DLGAP2: variants seen among roughly 807,000 people sequenced by gnomAD.
DLGAP2 encodes DLG associated protein 2, also known as disks large-associated protein 2.
DLGAP2 carries 26 observed loss-of-function variants against 100.3 expected under a neutral mutation model. That is an observed-to-expected ratio of 0.26 (90% CI 0.19 to 0.36). The LOEUF is 0.36. Among genes scored for constraint, DLGAP2 ranks in the 10% least tolerant of loss-of-function variants. DLGAP2 has a pLI of 1.00. For missense variants in DLGAP2, 1,858 were observed against 1,453.2 expected (o/e 1.28, Z -4.53); for synonymous variants, 886 against 630.1 (o/e 1.41, Z -6.08).
Position 1,507,003 on chromosome 8 carries a change from C to G in DLGAP2, c.172+5572C>G, listed in dbSNP as rs559341269. 7.9e-5 allele frequency among the ~76,000 whole-genome samples: 12 copies of G among 152,350 alleles called. No individual in the cohort carries two copies. The East Asian group carries it at 2.3e-3, about 29-fold the overall frequency. ...GGTGCTGATTGGTGCATCTACAAAC[C>G]TTTTGCTAGACACAGAGTTCTCATT... On this transcript the variant is annotated intron_variant, in intron 4 of 14. Transcript: ENST00000637795.
intron 4 of DLGAP2, among the ~76,000 whole-genome samples, chr8:1,526,371 TG>T (rs1194520350): frequency 6.6e-6 from 1 of 151,794 alleles, no homozygotes; most frequent in Non-Finnish European, 1.5e-5. Context: ...GGGGAGGAAT[TG>T]GGGGCTCAGA....
At chr8:1,102,406 C>G (rs534452305) in intron 2 of DLGAP2, among the ~76,000 whole-genome samples, 2 of 149,918 alleles carry the variant, frequency 1.3e-5, no homozygotes, top group South Asian at 2.1e-4. Flanking sequence ...ATTACAGACA[C>G]AGCTGTCTCG....
chr8:1,631,160 A>T (rs1230166482), intron 7 of DLGAP2, among the ~76,000 whole-genome samples: 1 of 152,018 alleles, frequency 6.6e-6, no homozygotes, highest in East Asian at 1.9e-4. Context: ...AGGAGGAGTC[A>T]CCTTCATGTC....
At chr8:768,171 C>G (rs1788617194) in intron 1 of DLGAP2, among the ~76,000 whole-genome samples, 1 of 152,032 alleles carries the variant, frequency 6.6e-6, no homozygotes, top group Non-Finnish European at 1.5e-5. Flanking sequence ...AAGCTGGAGC[C>G]CGTTCACTGC....
intron 2 of DLGAP2, chr8:1,250,495 T>C (rs1368701195): frequency 6.6e-6 from 1 of 152,146 alleles, no homozygotes; most frequent in Non-Finnish European, 1.5e-5. Context: ...ATGAATGTCT[T>C]CTCTGAGGAT....
chr8:1,437,207 G>C lies in DLGAP2; in HGVS notation c.107-64159G>C, dbSNP rs549880513. ...CCGGGTCTGCGTTCAGCCCAGGCGC[G>C]TAAGGGTGACGCCATCCGGGTCTGC... On this transcript the variant is annotated intron_variant, in intron 3 of 14. Coordinates refer to ENST00000637795, the MANE Select transcript of DLGAP2 (RefSeq NM_001346810.2). Among the ~76,000 whole-genome samples, 110 of 151,082 alleles carry C rather than the reference G, an allele frequency of 7.3e-4. 1 individual carries two copies. The highest frequency in any genetic ancestry group is 2.6e-3 in the African/African-American group (106 of 41,072).
Position 1,097,258 on chromosome 8 carries a change from A to T in DLGAP2, c.74-161593A>T, listed in dbSNP as rs916441109. Among the ~76,000 whole-genome samples the T allele has an allele frequency of 1.6e-5, 2 of 128,004 alleles. 1 individual carries two copies. The highest frequency in any genetic ancestry group is 3.2e-5 in the Non-Finnish European group (2 of 61,822). The allele number at this position is 128,004 out of a possible 152,430, so 84.0% of individuals were successfully genotyped here. A position where few individuals can be genotyped will look rare whatever the true frequency, so the allele number is the denominator to read the frequency against. The stretch of plus-strand genomic sequence containing the variant: ...ATGGAGAGGTCCCCTCCAGCGTGAG[A>T]CCCAGCTCCCTCTGCTCAGGAGAGT... On this transcript the variant is annotated intron_variant, in intron 2 of 14. Transcript: ENST00000637795.
chr8:1,000,218 G>T (rs1054014034), intron 2 of DLGAP2, among the ~76,000 whole-genome samples: 2 of 150,886 alleles, frequency 1.3e-5, no homozygotes, highest in Admixed American at 6.6e-5. Flanking sequence ...TTTCTCTAGA[G>T]CGGACAGATC....
intron 6 of DLGAP2, among the ~76,000 whole-genome samples, chr8:1,611,128 CA>C (rs1295621831): frequency 7.1e-6 from 1 of 141,644 alleles, no homozygotes; most frequent in Non-Finnish European, 1.5e-5. Flanking sequence ...AACATCGATG[CA>C]AAAATCCTCA....
intron 1 of DLGAP2, among the ~76,000 whole-genome samples, chr8:841,747 C>T (rs1439788838): frequency 2.6e-5 from 4 of 152,102 alleles, no homozygotes; most frequent in African/African-American, 4.8e-5. Flanking sequence ...CACCCGGCAG[C>T]AGGTGAGTTT....
At chr8:910,446 G>A (rs1372113437) in intron 2 of DLGAP2, 1 of 152,216 alleles carries the variant, frequency 6.6e-6, no homozygotes, top group Non-Finnish European at 1.5e-5. Flanking sequence ...GTCTTGTTCA[G>A]CTGCTTGTTC....
intron 2 of DLGAP2, among the ~76,000 whole-genome samples, chr8:1,241,142 TCA>T (rs1221804478): frequency 7.6e-5 from 10 of 131,010 alleles, no homozygotes; most frequent in African/African-American, 2.8e-4. Flanking sequence ...TCTAGTTCTC[TCA>T]CGTGGTGCCA....
chr8:1,571,310 C>T (rs1208931310), intron 6 of DLGAP2, among the ~76,000 whole-genome samples: 1 of 94,936 alleles, frequency 1.1e-5, no homozygotes, highest in South Asian at 3.7e-4. Context: ...ACTGTGCGGG[C>T]ATCTGATGAG....
intron 2 of DLGAP2, among the ~76,000 whole-genome samples, chr8:1,210,279 G>A (rs993912003): frequency 9.2e-5 from 14 of 152,188 alleles, no homozygotes; most frequent in African/African-American, 3.4e-4. Flanking sequence ...TGGAAGCATG[G>A]CAGGGATTCA....
intron 6 of DLGAP2, among the ~76,000 whole-genome samples, chr8:1,594,842 C>G (rs1178924417): frequency 6.6e-6 from 1 of 152,166 alleles, no homozygotes; most frequent in Non-Finnish European, 1.5e-5. Flanking sequence ...CCTGATCTTT[C>G]TCTGTGCTCT....
chr8:1,664,569 C>T (rs1385834688), intron 8 of DLGAP2, among the ~76,000 whole-genome samples: 1 of 152,192 alleles, frequency 6.6e-6, no homozygotes, highest in Non-Finnish European at 1.5e-5. Context: ...GCTTGCCAGG[C>T]ACTTTACGTC....
At chr8:984,391 C>A (rs1031460795) in intron 2 of DLGAP2, among the ~76,000 whole-genome samples, 193 of 152,206 alleles carry the variant, frequency 1.3e-3, no homozygotes, top group Non-Finnish European at 6.5e-4. Context: ...TTTAATTGTG[C>A]CCTTACAGGG....
At chr8:822,781 C>T (rs917429252) in intron 1 of DLGAP2, among the ~76,000 whole-genome samples, 29 of 152,232 alleles carry the variant, frequency 1.9e-4, no homozygotes, top group African/African-American at 2.6e-4. Flanking sequence ...ACACAGCCTT[C>T]GGACAACAGC....
chr8:817,254 T>G (rs1451495264), intron 1 of DLGAP2, among the ~76,000 whole-genome samples: 1 of 152,246 alleles, frequency 6.6e-6, no homozygotes, highest in Non-Finnish European at 1.5e-5. Flanking sequence ...TCTATTCTAT[T>G]GCTGAGACTT....
Sources: allele counts gnomAD v4.1 joint callset (sites outside exome capture counted in the v4.1 genomes callset), GRCh38; gene constraint gnomAD v4.1.1; transcripts MANE v1.5; gene names NCBI Gene and HGNC (gene_info 2026-07-23, HGNC 2026-07-21).